The following ADGRL3 variants were observed in gnomAD, a reference collection of about 807,000 sequenced individuals.
The protein encoded by ADGRL3 is calcium-independent alpha-latrotoxin receptor 3.
In ADGRL3, 62 loss-of-function variants were observed where a neutral mutation model predicts 153.5. The ratio of observed to expected loss-of-function variants is 0.40; its 90% confidence interval spans 0.33 to 0.50. The LOEUF (loss-of-function observed/expected upper bound fraction) is 0.50, where lower values mean the gene tolerates loss of function less well. Ranked by LOEUF, ADGRL3 falls within the 20% of genes least tolerant of loss-of-function variation. ADGRL3 has a pLI of 0.47. For synonymous variants in ADGRL3, 710 were observed against 672.5 expected, an observed-to-expected ratio of 1.06 and a Z score of -0.86; for missense variants, 1,641 against 1,859.4, an observed-to-expected ratio of 0.88 and a Z score of 2.16.
chr4:61,407,745 A>G (rs1023735443), intron 2 of ADGRL3, among the ~76,000 whole-genome samples: 21 of 152,144 alleles, frequency 1.4e-4, no homozygotes, highest in African/African-American at 4.8e-4. Context: ...CTTTACCATT[A>G]ATTTTACAAA....
At chr4:61,473,959 G>A (rs547392771) in intron 2 of ADGRL3, among the ~76,000 whole-genome samples, 92 of 152,094 alleles carry the variant, frequency 6.0e-4, no homozygotes, top group African/African-American at 2.0e-3. Flanking sequence ...GAATAATAAA[G>A]TATTCTGGAC....
At chr4:61,277,883 C>A (rs569612016) in intron 1 of ADGRL3, among the ~76,000 whole-genome samples, 1 of 152,224 alleles carries the variant, frequency 6.6e-6, no homozygotes, top group East Asian at 1.9e-4. Context: ...TTAGGAGTGG[C>A]CACTTAACTG....
At chr4:61,440,088 A>C (rs1052602948) in intron 2 of ADGRL3, among the ~76,000 whole-genome samples, 2 of 151,876 alleles carry the variant, frequency 1.3e-5, no homozygotes, top group Admixed American at 6.6e-5. Flanking sequence ...TTACTCTGTC[A>C]CTCAGGCTGA....
intron 4 of ADGRL3, among the ~76,000 whole-genome samples, chr4:61,585,021 C>G (rs1052635130): frequency 7.9e-5 from 12 of 151,938 alleles, no homozygotes; most frequent in Admixed American, 7.9e-4. Context: ...GTGAGAGTAC[C>G]TTGCTAAGTG....
chr4:61,824,156 T>C (rs1195367651), intron 9 of ADGRL3, among the ~76,000 whole-genome samples: 3 of 152,216 alleles, frequency 2.0e-5, no homozygotes, highest in Middle Eastern at 3.2e-3. Flanking sequence ...TCTTTCATCA[T>C]CTTATTTATT....
chr4:61,370,427 G>C (rs1002615643), intron 1 of ADGRL3, among the ~76,000 whole-genome samples: 1 of 151,688 alleles, frequency 6.6e-6, no homozygotes, highest in Non-Finnish European at 1.5e-5. Context: ...CTGGTATGTT[G>C]TGTCTTTGTT....
intron 9 of ADGRL3, among the ~76,000 whole-genome samples, chr4:61,890,778 G>T (rs1396049115): frequency 1.3e-5 from 2 of 152,140 alleles, no homozygotes; most frequent in Admixed American, 6.5e-5. Context: ...TGTCAAAAAA[G>T]ATTTTTTTGT....
chr4:62,035,440 C>T (rs1437072584), intron 23 of ADGRL3, among the ~76,000 whole-genome samples: 2 of 151,972 alleles, frequency 1.3e-5, no homozygotes, highest in African/African-American at 4.8e-5. Flanking sequence ...AATACCCTTT[C>T]TCATCTAGAA....
At chr4:61,888,990 C>T (rs2098554607) in intron 9 of ADGRL3, among the ~76,000 whole-genome samples, 1 of 152,018 alleles carries the variant, frequency 6.6e-6, no homozygotes, top group African/African-American at 2.4e-5. Context: ...CACTCTTAAC[C>T]ACCCCATTTG....
At chr4:61,569,967 T>C (rs1470616898) in intron 4 of ADGRL3, among the ~76,000 whole-genome samples, 1 of 152,192 alleles carries the variant, frequency 6.6e-6, no homozygotes, top group Non-Finnish European at 1.5e-5. Flanking sequence ...CCCTACATTT[T>C]GTTTATGTAT....
intron 15 of ADGRL3, among the ~76,000 whole-genome samples, chr4:61,941,179 T>G (rs1481758116): frequency 9.7e-6 from 1 of 102,868 alleles, no homozygotes; most frequent in Non-Finnish European, 1.9e-5. Flanking sequence ...CACCATTTAT[T>G]AAATAGGGAA....
chr4:61,280,660 T>C (rs1443246766), intron 1 of ADGRL3, among the ~76,000 whole-genome samples: 1 of 152,136 alleles, frequency 6.6e-6, no homozygotes, highest in Non-Finnish European at 1.5e-5. Context: ...ATTACAAGAT[T>C]GTTATTATTT....
At chr4:61,959,867 C>T (rs1340823129) in intron 17 of ADGRL3, among the ~76,000 whole-genome samples, 1 of 152,078 alleles carries the variant, frequency 6.6e-6, no homozygotes, top group Non-Finnish European at 1.5e-5. Context: ...TTCTTACACT[C>T]ATTTTGTATT....
At chr4:61,697,707 A>C (rs1580334567) in intron 6 of ADGRL3, among the ~76,000 whole-genome samples, 1 of 152,290 alleles carries the variant, frequency 6.6e-6, no homozygotes, top group Non-Finnish European at 1.5e-5. Flanking sequence ...AACATCCAAA[A>C]GTTCAATGTA....
At chr4:61,574,181 C>T (rs964775877) in intron 4 of ADGRL3, among the ~76,000 whole-genome samples, 5 of 151,846 alleles carry the variant, frequency 3.3e-5, no homozygotes, top group Admixed American at 2.0e-4. Flanking sequence ...TAAACTAAAC[C>T]ATCAGCATTA....
chr4:61,479,179 T>C (rs2152726040), intron 2 of ADGRL3, among the ~76,000 whole-genome samples: 1 of 152,232 alleles, frequency 6.6e-6, no homozygotes, highest in East Asian at 1.9e-4. Context: ...AACATTTTTT[T>C]CTTTTTTTGA....
chr4:62,039,678 GC>G (rs1727084644), intron 24 of ADGRL3, among the ~76,000 whole-genome samples: 3 of 152,084 alleles, frequency 2.0e-5, no homozygotes, highest in African/African-American at 7.2e-5. Context: ...AAGAGTGGGG[GC>G]AGACCAGGAT....
At chr4:62,002,241 C>T (rs2099143002) in intron 21 of ADGRL3, among the ~76,000 whole-genome samples, 2 of 147,650 alleles carry the variant, frequency 1.4e-5, no homozygotes, top group Admixed American at 6.9e-5. Flanking sequence ...TGCCAAGGCC[C>T]ATTAAACCTC....
At chr4:61,907,321 C>T (rs561906281) in intron 11 of ADGRL3, among the ~76,000 whole-genome samples, 37 of 152,052 alleles carry the variant, frequency 2.4e-4, no homozygotes, top group African/African-American at 8.2e-4. Context: ...TGCAGTGGTG[C>T]GATCTCAGCT....
Sources: gnomAD v4.1 joint callset for allele counts (sites outside exome capture counted in the v4.1 genomes callset) on GRCh38, gnomAD v4.1.1 for gene constraint, MANE v1.5 for transcripts, NCBI Gene and HGNC (gene_info 2026-07-23, HGNC 2026-07-21) for gene names.